Variants in MED11 observed in about 807,000 individuals in gnomAD.
MED11 encodes mediator complex subunit 11, also known as mediator of RNA polymerase II transcription subunit 11.
In MED11, 19 loss-of-function variants were observed where a neutral mutation model predicts 13.9. The observed-to-expected ratio is 1.36, with a 90% confidence interval of 0.95 to 2.00. The LOEUF is 2.00. Ranked by LOEUF, MED11 falls within the 30% of genes most tolerant of loss-of-function variation. The pLI is 0.00. For synonymous variants in MED11, 67 were observed against 62.1 expected (o/e 1.08, Z -0.37); for missense variants, 134 against 150.2 (o/e 0.89, Z 0.56).
rs760281059 is a variant in MED11 at position 4,731,498 on chromosome 17, C to G, written c.9C>G (p.Thr3=). The change falls in exon 1 of 3, where the codon ACC becomes ACG. Residue 3 remains threonine (T), a synonymous_variant. Coordinates refer to ENST00000293777, the MANE Select transcript of MED11 (RefSeq NM_001001683.4). Reference sequence around the variant, plus strand: ...GAATTCCCAGAGTGATAATGGCTACCTACAGCCTGGCGAACGAGAGACTAC... The same window carrying G: ...GAATTCCCAGAGTGATAATGGCTACGTACAGCCTGGCGAACGAGAGACTAC... MA[T]YSLANERLRA... The G allele has an allele frequency of 1.2e-6, 2 of 1,613,972 alleles. No homozygotes were observed. Among genetic ancestry groups the G allele is most frequent in the Non-Finnish European group, 1.7e-6 (2 of 1,180,006 alleles).
chr17:4,731,938 C>T, intron 2 of MED11, 32 bp downstream of exon 2: 1 of 1,604,492 alleles, frequency 6.2e-7, no homozygotes, highest in Non-Finnish European at 8.5e-7. Flanking sequence ...TGCGAGCGAA[C>T]CCCAGCTCTG....
intron 1 of MED11, 73 bp downstream of exon 1, chr17:4,731,647 C>T (rs575370519): frequency 1.2e-6 from 2 of 1,610,330 alleles, no homozygotes; most frequent in South Asian, 1.1e-5. Context: ...TGACCTGGGA[C>T]TTGGAGCAGG....
intron 2 of MED11, chr17:4,732,458 T>TAA: frequency 7.2e-6 from 1 of 138,178 alleles, no homozygotes; most frequent in South Asian, 2.0e-4. Context: ...TGAGTACCGG[T>TAA]AACCCCAGCT....
At chr17:4,731,609 A>G in intron 1 of MED11, 35 bp downstream of exon 1, 2 of 1,613,692 alleles carry the variant, frequency 1.2e-6, no homozygotes, top group Non-Finnish European at 8.5e-7. Flanking sequence ...GCGGGGAGCG[A>G]AAGCGTGACC....
At position 4,733,208 on chromosome 17, in the gene MED11, G is replaced by A. The variant is rs373357260; in HGVS notation, c.*21G>A. 3.2e-5 allele frequency: 52 copies of A among 1,613,854 alleles called. No homozygotes were observed. The African/African-American group carries it at 6.8e-4, about 21-fold the overall frequency. ...ACTAGGCCAGGGAGATGGACCCAGA[G>A]CTGAGAGGGAGACCATCACCTGTGC... On this transcript the variant is annotated 3_prime_UTR_variant, in exon 3 of 3. Coordinates refer to ENST00000293777, the MANE Select transcript of MED11 (RefSeq NM_001001683.4).
At chr17:4,731,605 A>T in intron 1 of MED11, 31 bp downstream of exon 1, 1 of 1,613,688 alleles carries the variant, frequency 6.2e-7, no homozygotes, top group South Asian at 1.1e-5. Context: ...GACAGCGGGG[A>T]GCGAAAGCGT....
rs1172084252 is a variant in MED11, at chr17:4,731,450, T to G, written c.-40T>G. On this transcript the variant is annotated 5_prime_UTR_variant, in exon 1 of 3. Transcript: ENST00000293777. The stretch of plus-strand genomic sequence containing the variant: ...GCCACTTCCGGAACAAGCGTCGCGT[T>G]TCTGAGGAGAAACTCTTGGTGAGAA... 1.2e-6 allele frequency: 2 copies of G among 1,604,386 alleles called. No individual in the cohort carries two copies. The highest frequency in any genetic ancestry group is 1.1e-5 in the South Asian group (1 of 90,730).
rs769208264 is a variant in MED11 at position 4,733,061 on chromosome 17, G to A, written c.228G>A (p.Gly76=). The A allele has an allele frequency of 1.2e-6, 2 of 1,614,176 alleles. No individual in the cohort carries two copies. Among genetic ancestry groups the A allele is most frequent in the East Asian group, 4.5e-5 (2 of 44,892 alleles). Reference sequence around the variant, plus strand: ...AGTCTGTCTTGTAGGTGGCCACAGGGCAGCCCCATGAGGGCTCCAGCTACT... The same window carrying A: ...AGTCTGTCTTGTAGGTGGCCACAGGACAGCCCCATGAGGGCTCCAGCTACT... ...QIRYLTQVAT[G]QPHEGSSYSS... Residue 76 remains glycine, a synonymous_variant, in exon 3 of 3, where the codon GGG becomes GGA. Coordinates refer to ENST00000293777, the MANE Select transcript of MED11 (RefSeq NM_001001683.4).
intron 2 of MED11, chr17:4,732,321 G>C (rs1194157299): frequency 1.1e-5 from 2 of 177,748 alleles, no homozygotes; most frequent in East Asian, 1.5e-4. Flanking sequence ...TACTTGGAAG[G>C]GTGAGGCAGG....
intron 2 of MED11, 103 bp from the exon 3 acceptor site, chr17:4,732,947 T>G: frequency 7.5e-7 from 1 of 1,328,164 alleles, no homozygotes; most frequent in Non-Finnish European, 1.0e-6. Flanking sequence ...AGCTACCAGA[T>G]GGCCTAACAA....
intron 2 of MED11, 133 bp downstream of exon 2, chr17:4,732,039 C>T (rs1318422559): frequency 1.8e-6 from 2 of 1,125,070 alleles, no homozygotes; most frequent in Non-Finnish European, 2.4e-6. Flanking sequence ...CGGGTTTCTT[C>T]CTCTAAAAGG....
In MED11 at chr17:4,733,222, C is replaced by T; in HGVS notation, c.*35C>T. The T allele has an allele frequency of 6.2e-7, 1 of 1,612,734 alleles. No individual in the cohort carries two copies. The highest frequency in any genetic ancestry group is 2.2e-5 in the East Asian group (1 of 44,842). On this transcript the variant is annotated 3_prime_UTR_variant, in exon 3 of 3. Coordinates refer to ENST00000293777, the MANE Select transcript of MED11 (RefSeq NM_001001683.4). ...ATGGACCCAGAGCTGAGAGGGAGAC[C>T]ATCACCTGTGCCATGGGACAGAACC...
chr17:4,733,346 C>T lies in MED11; in HGVS notation c.*159C>T. On this transcript the variant is annotated 3_prime_UTR_variant, in exon 3 of 3. Coordinates refer to ENST00000293777, the MANE Select transcript of MED11 (RefSeq NM_001001683.4). Reference sequence around the variant, plus strand: ...AATGGTGGGCATGGAAAAACTGAAGCCCGAGCCTGCCCACAGCTATGCTTT... The same window carrying T: ...AATGGTGGGCATGGAAAAACTGAAGTCCGAGCCTGCCCACAGCTATGCTTT... 1 of 873,824 alleles carries T rather than the reference C, an allele frequency of 1.1e-6. No homozygotes were observed. The allele number at this position is 873,824 out of a possible 1,614,324, so 54.1% of individuals were successfully genotyped here.
intron 2 of MED11, 191 bp from the exon 3 acceptor site, chr17:4,732,859 T>A: frequency 3.1e-6 from 2 of 644,274 alleles, no homozygotes; most frequent in Non-Finnish European, 5.3e-6. Flanking sequence ...TATCTAATCC[T>A]CAACAACTCT....
intron 2 of MED11, 124 bp from the exon 3 acceptor site, chr17:4,732,926 T>C (rs1240000405): frequency 9.1e-7 from 1 of 1,099,844 alleles, no homozygotes; most frequent in South Asian, 1.5e-5. Context: ...AGTTAAATGA[T>C]TTATTTACCC....
rs575531179 is a variant in MED11 at position 4,733,323 on chromosome 17, T to C, written c.*136T>C. 1.7e-5 allele frequency: 19 copies of C among 1,134,738 alleles called. No homozygotes were observed. The African/African-American group carries it at 2.6e-4, about 16-fold the overall frequency. 70.3% of individuals were successfully genotyped at this position (1,134,738 alleles called of 1,614,324 possible). On this transcript the variant is annotated 3_prime_UTR_variant, in exon 3 of 3. Transcript: ENST00000293777. The stretch of plus-strand genomic sequence containing the variant: ...AAGTACCCTAGGACAAAGGGGCAAA[T>C]GGTGGGCATGGAAAAACTGAAGCCC...
At position 4,731,855 on chromosome 17, in the gene MED11, A is replaced by G. The variant is rs1164222199; in HGVS notation, c.165A>G (p.Ser55=). 1 of 1,614,078 alleles carries G rather than the reference A, an allele frequency of 6.2e-7. No homozygotes were observed. The highest frequency in any genetic ancestry group is 1.1e-5 in the South Asian group (1 of 91,074). Residue 55 remains serine, a synonymous_variant, in exon 2 of 3, where the codon TCA becomes TCG. Transcript: ENST00000293777. The part of the protein sequence containing the change: ...LDRQAAAFTA[S]VQHVEAELSA... ...GGCAGGCGGCGGCCTTCACCGCTTCAGTGCAACACGTGGAGGCGGAGCTGT... is the reference window on the plus strand; with the variant it reads ...GGCAGGCGGCGGCCTTCACCGCTTCGGTGCAACACGTGGAGGCGGAGCTGT...
In MED11 at chr17:4,733,135, G is replaced by A. The variant is rs779665003; in HGVS notation, c.302G>A (p.Arg101His). The change falls in exon 3 of 3, where the codon CGC becomes CAC. Residue 101 changes from arginine (R) to histidine (H), a missense_variant. Physicochemically the swap from Arg to His is conservative, Grantham distance 29. Coordinates refer to ENST00000293777, the MANE Select transcript of MED11 (RefSeq NM_001001683.4). ...QMALKRVDYA[R>H]LKLSDVARTC... is the part of the protein sequence containing the mutation. ...GCTCTGAAGCGAGTGGACTATGCCC[G>A]CCTCAAGCTCAGTGATGTGGCTCGA... 13 of 1,614,190 alleles carry A rather than the reference G, an allele frequency of 8.1e-6. No homozygotes were observed. Among genetic ancestry groups the A allele is most frequent in the East Asian group, 4.5e-5 (2 of 44,886 alleles).
chr17:4,731,657 G>T lies in MED11; in HGVS notation c.85+83G>T, dbSNP rs948293823. 54 of 1,608,566 alleles carry T rather than the reference G, an allele frequency of 3.4e-5. No homozygotes were observed. In the Middle Eastern group the frequency reaches 6.6e-4, roughly 20 times the overall value. ...CAGCCTGACCTGGGACTTGGAGCAG[G>T]GTTGGGGAGGGAATCCTACGTGCGT... On this transcript the variant is annotated intron_variant, in intron 1 of 2. Transcript: ENST00000293777.
Sources: gnomAD v4.1 joint callset for allele counts on GRCh38, gnomAD v4.1.1 for gene constraint, MANE v1.5 for transcripts, NCBI Gene and HGNC (gene_info 2026-07-23, HGNC 2026-07-21) for gene names.